Variants in CDK8 observed in about 807,000 individuals in gnomAD.
CDK8 encodes the protein cyclin dependent kinase 8, also known as cyclin-dependent kinase 8.
In CDK8, 29 loss-of-function variants were observed where a neutral mutation model predicts 71.5. That is an observed-to-expected ratio of 0.41 (90% CI 0.30 to 0.55). The LOEUF is 0.55. CDK8 is among the 20% of genes least tolerant of loss of function. The probability of loss-of-function intolerance (pLI) is 0.37; values close to 1 mark genes in which losing one functional copy is unlikely to be tolerated. For missense variants in CDK8, 288 were observed against 572.6 expected (o/e 0.50, Z 5.07); for synonymous variants, 161 against 192.1 (o/e 0.84, Z 1.34).
intron 1 of CDK8, among the ~76,000 whole-genome samples, chr13:26,285,854 C>T (rs370984404): frequency 2.7e-4 from 41 of 152,030 alleles, no homozygotes; most frequent in African/African-American, 7.7e-4. Flanking sequence ...ATAACAAAGC[C>T]GAGAATCAAA....
intron 5 of CDK8, among the ~76,000 whole-genome samples, chr13:26,383,249 G>A (rs1302651975): frequency 6.6e-6 from 1 of 152,192 alleles, no homozygotes; most frequent in Admixed American, 6.5e-5. Context: ...CAGATTAGAT[G>A]AGCACATATG....
chr13:26,294,830 A>G (rs929969456), intron 1 of CDK8, among the ~76,000 whole-genome samples: 1 of 151,776 alleles, frequency 6.6e-6, no homozygotes, highest in Non-Finnish European at 1.5e-5. Flanking sequence ...GCTCACTGCA[A>G]CCTCCGCCTC....
At chr13:26,281,294 A>G (rs187190788) in intron 1 of CDK8, among the ~76,000 whole-genome samples, 98 of 152,362 alleles carry the variant, frequency 6.4e-4, no homozygotes, top group Non-Finnish European at 5.9e-5. Flanking sequence ...AGACCTGAAG[A>G]CAGATTGTAT....
chr13:26,254,608 C>CCCCCCCCCCG lies in CDK8; in HGVS notation c.-33_-32insCCCCCCCCGC. 2 of 1,548,948 alleles carry CCCCCCCCCCG rather than the reference C, an allele frequency of 1.3e-6. No homozygotes were observed. The highest frequency in any genetic ancestry group is 1.7e-6 in the Non-Finnish European group (2 of 1,144,306). ...GTCCCCACCCCTGCCCCCCGGCCCC[C>CCCCCCCCCCG]CGACCCAGCTCTCCGGCCTCAGAGG... On this transcript the variant is annotated 5_prime_UTR_variant, in exon 1 of 13. Coordinates refer to ENST00000381527, the MANE Select transcript of CDK8 (RefSeq NM_001260.3). The surrounding 1 kb of genome is among the most constrained non-coding windows in gnomAD (Gnocchi z 6.7).
chr13:26,283,030 C>A (rs778120928), intron 1 of CDK8, among the ~76,000 whole-genome samples: 1 of 152,078 alleles, frequency 6.6e-6, no homozygotes, highest in African/African-American at 2.4e-5. Context: ...ATATATGGAC[C>A]TAACATTGGA....
chr13:26,373,439 C>T (rs1294505843), intron 4 of CDK8, among the ~76,000 whole-genome samples: 1 of 151,336 alleles, frequency 6.6e-6, no homozygotes, highest in African/African-American at 2.4e-5. Flanking sequence ...CAAGAATTAT[C>T]AAGAATAAAA....
intron 1 of CDK8, among the ~76,000 whole-genome samples, chr13:26,316,222 T>C (rs905028399): frequency 1.3e-5 from 2 of 152,142 alleles, no homozygotes; most frequent in Non-Finnish European, 2.9e-5. Context: ...TAGCTGGGCA[T>C]GGTTGCACAT....
At chr13:26,402,456 A>T (rs936381316) in intron 12 of CDK8, among the ~76,000 whole-genome samples, 2 of 152,164 alleles carry the variant, frequency 1.3e-5, no homozygotes, top group Non-Finnish European at 2.9e-5. Flanking sequence ...GACCAATTAG[A>T]ATTATTTACA....
chr13:26,388,591 A>G (rs1875591225), intron 6 of CDK8, among the ~76,000 whole-genome samples: 1 of 152,242 alleles, frequency 6.6e-6, no homozygotes, highest in Non-Finnish European at 1.5e-5. Flanking sequence ...ATTTATTTAA[A>G]TTGAGTAAAA....
chr13:26,402,256 C>T lies in CDK8; in HGVS notation c.1269+632C>T, dbSNP rs150218335. On this transcript the variant is annotated intron_variant, in intron 12 of 12. Coordinates refer to ENST00000381527, the MANE Select transcript of CDK8 (RefSeq NM_001260.3). Reference sequence around the variant, plus strand: ...ATGGATCCCCAGCAAGCTGTAGATGCAGGACTCATATTTGATCTGACCACA... The same window carrying T: ...ATGGATCCCCAGCAAGCTGTAGATGTAGGACTCATATTTGATCTGACCACA... Among the ~76,000 whole-genome samples the T allele has an allele frequency of 3.5e-4, 53 of 152,312 alleles. No individual in the cohort carries two copies. The East Asian group carries it at 9.5e-3, about 27-fold the overall frequency.
intron 4 of CDK8, among the ~76,000 whole-genome samples, chr13:26,363,971 T>C (rs1874265592): frequency 6.6e-6 from 1 of 152,210 alleles, no homozygotes; most frequent in African/African-American, 2.4e-5. Context: ...CCTAATGTGT[T>C]TTACTTACCA....
At position 26,312,415 on chromosome 13, in the gene CDK8, C is replaced by T. The variant is rs7991061; in HGVS notation, c.129-25152C>T. Reference sequence around the variant, plus strand: ...TACCTTTATGAGCTGTAACACTCACCGTGAGGGTCTGCGGCTTCATTCCTG... The same window carrying T: ...TACCTTTATGAGCTGTAACACTCACTGTGAGGGTCTGCGGCTTCATTCCTG... On this transcript the variant is annotated intron_variant, in intron 1 of 12. Coordinates refer to ENST00000381527, the MANE Select transcript of CDK8 (RefSeq NM_001260.3). Among the ~76,000 whole-genome samples, 717 of 152,226 alleles carry T rather than the reference C, an allele frequency of 4.7e-3. 6 individuals are homozygous for T. Among genetic ancestry groups the T allele is most frequent in the African/African-American group, 0.016 (666 of 41,530 alleles).
Position 26,404,753 on chromosome 13 carries a change from C to G in CDK8, c.*672C>G, listed in dbSNP as rs1044706171. 5 of 223,496 alleles carry G rather than the reference C, an allele frequency of 2.2e-5. No individual in the cohort carries two copies. The highest frequency in any genetic ancestry group is 1.1e-4 in the African/African-American group (5 of 44,732). 13.8% of individuals were successfully genotyped at this position (223,496 alleles called of 1,614,324 possible). A position where few individuals can be genotyped will look rare whatever the true frequency, so the allele number is the denominator to read the frequency against. On this transcript the variant is annotated 3_prime_UTR_variant, in exon 13 of 13. Coordinates refer to ENST00000381527, the MANE Select transcript of CDK8 (RefSeq NM_001260.3). ...TTTTTATTTTCAATCTATGACTTGA[C>G]TGGTATTAAAGCTGCTATTTGATAG...
intron 1 of CDK8, among the ~76,000 whole-genome samples, chr13:26,331,311 G>A (rs76587055): frequency 0.059 from 8,912 of 151,966 alleles, 863 homozygotes; most frequent in African/African-American, 0.2. Context: ...TTCTCCTGTT[G>A]GGCTGTTTGA....
At chr13:26,332,220 GT>G (rs1247331794) in intron 1 of CDK8, among the ~76,000 whole-genome samples, 3 of 151,508 alleles carry the variant, frequency 2.0e-5, no homozygotes, top group Admixed American at 6.6e-5. Flanking sequence ...GAGTCTTTAG[GT>G]TTTTTTTAAT....
intron 8 of CDK8, among the ~76,000 whole-genome samples, 195 bp downstream of exon 8, chr13:26,396,549 G>T (rs915363343): frequency 5.3e-5 from 8 of 152,022 alleles, no homozygotes; most frequent in African/African-American, 1.9e-4. Context: ...ATATACAAAA[G>T]TGACTAATAT....
At chr13:26,374,001 G>A (rs1439285319) in intron 4 of CDK8, among the ~76,000 whole-genome samples, 1 of 128,524 alleles carries the variant, frequency 7.8e-6, no homozygotes, top group Admixed American at 8.8e-5. Flanking sequence ...CTAACATGGT[G>A]AAACCCCTTC....
intron 1 of CDK8, among the ~76,000 whole-genome samples, chr13:26,304,323 G>C (rs901205737): frequency 6.6e-6 from 1 of 150,780 alleles, no homozygotes; most frequent in Non-Finnish European, 1.5e-5. Context: ...CAATATGTAA[G>C]TTCAATTTTA....
Position 26,339,608 on chromosome 13 carries a change from TA to T in CDK8, c.204+1971del, listed in dbSNP as rs747125292. On this transcript the variant is annotated intron_variant, in intron 2 of 12. Coordinates refer to ENST00000381527, the MANE Select transcript of CDK8 (RefSeq NM_001260.3). ...TCAGCTAATTAGTTTTTTTTTTTTT[TA>T]AAAAGCTTGTTGAGATTATAATTTG... Among the ~76,000 whole-genome samples the T allele has an allele frequency of 6.6e-3, 981 of 147,876 alleles. 10 individuals carry two copies. The highest frequency in any genetic ancestry group is 0.022 in the African/African-American group (863 of 39,330).
Sources: allele counts gnomAD v4.1 joint callset (sites outside exome capture counted in the v4.1 genomes callset), GRCh38; gene constraint gnomAD v4.1.1; non-coding constraint Gnocchi (gnomAD v3.1); transcripts MANE v1.5; gene names NCBI Gene and HGNC (gene_info 2026-07-23, HGNC 2026-07-21).